DCLK3: variants seen among roughly 807,000 people sequenced by gnomAD.
DCLK3 encodes the protein serine/threonine-protein kinase DCLK3.
In DCLK3, 30 loss-of-function variants were observed where a neutral mutation model predicts 46.4. That is an observed-to-expected ratio of 0.65 (90% CI 0.48 to 0.88). DCLK3 has a LOEUF of 0.88. Ranked by LOEUF, DCLK3 falls within the 40% of genes least tolerant of loss-of-function variation. DCLK3 has a pLI of 0.00. For synonymous variants in DCLK3, 401 were observed against 339.2 expected (o/e 1.18, Z -2.00); for missense variants, 846 against 907.1 (o/e 0.93, Z 0.87).
chr3:36,714,250 T>G lies in DCLK3; in HGVS notation c.*1078A>C, dbSNP rs1051511142. The G allele has an allele frequency of 7.9e-5, 12 of 152,336 alleles. No individual in the cohort carries two copies. Among genetic ancestry groups the G allele is most frequent in the African/African-American group, 2.9e-4 (12 of 41,568 alleles). The allele number at this position is 152,336 out of a possible 1,614,324, so 9.4% of individuals were successfully genotyped here. On this transcript the variant is annotated 3_prime_UTR_variant, in exon 5 of 5. Coordinates refer to ENST00000636136, the MANE Select transcript of DCLK3 (RefSeq NM_001394672.2). Reference sequence around the variant, plus strand: ...TAACTAACACACGCCTCCGCCCAGATGGCTCCAAAACTGTTAGGGAAGGTA... The same window carrying G: ...TAACTAACACACGCCTCCGCCCAGAGGGCTCCAAAACTGTTAGGGAAGGTA...
intron 2 of DCLK3, among the ~76,000 whole-genome samples, chr3:36,731,515 A>G (rs1701198854): frequency 6.6e-6 from 1 of 151,916 alleles, no homozygotes; most frequent in African/African-American, 2.4e-5. Context: ...CACTGTCTAC[A>G]GTATTCCACC....
intron 1 of DCLK3, among the ~76,000 whole-genome samples, chr3:36,744,642 C>T (rs1053577137): frequency 6.6e-6 from 1 of 152,210 alleles, no homozygotes; most frequent in African/African-American, 2.4e-5. Context: ...GAGCACTCAA[C>T]TTGTGCTTAT....
Position 36,715,396 on chromosome 3 carries a change from G to T in DCLK3, c.2386C>A (p.Gln796Lys), listed in dbSNP as rs1381746373. ...TGACCCTCGCTGCTGGGGGACACCT[G>T]CTTCTGTCGTTTCACTGTATTGGTC... Reference protein sequence around the residue: ...GKTNTVKRQKQVSPSSEGHFR... With the variant: ...GKTNTVKRQKKVSPSSEGHFR... The change falls in exon 5 of 5, where the codon CAG (glutamine) becomes AAG (lysine). Residue 796 changes from glutamine to lysine, a missense_variant. Around this residue, in one of 3 missense-constraint regions of DCLK3, gnomAD observed 46 missense variants for 41.3 expected, o/e 1.11. Coordinates refer to ENST00000636136, the MANE Select transcript of DCLK3 (RefSeq NM_001394672.2). 2.5e-6 allele frequency: 4 copies of T among 1,614,148 alleles called. No homozygotes were observed. Among genetic ancestry groups the T allele is most frequent in the Non-Finnish European group, 3.4e-6 (4 of 1,180,000 alleles).
chr3:36,717,735 G>A (rs1190461054), intron 4 of DCLK3, among the ~76,000 whole-genome samples: 1 of 152,168 alleles, frequency 6.6e-6, no homozygotes, highest in African/African-American at 2.4e-5. Context: ...GAGTTACAAT[G>A]TTTCTGATAT....
At chr3:36,723,702 C>T (rs1397844125) in intron 2 of DCLK3, among the ~76,000 whole-genome samples, 1 of 152,162 alleles carries the variant, frequency 6.6e-6, no homozygotes, top group Non-Finnish European at 1.5e-5. Flanking sequence ...CCTGCCATTG[C>T]ACAGAAGTCA....
intron 1 of DCLK3, among the ~76,000 whole-genome samples, chr3:36,747,564 T>C (rs1379324270): frequency 6.6e-6 from 1 of 152,140 alleles, no homozygotes; most frequent in African/African-American, 2.4e-5. Flanking sequence ...ATCTCTGGGC[T>C]GATATGAGTC....
In DCLK3 at chr3:36,744,107, C is replaced by A. The variant is rs189065621; in HGVS notation, c.83-5023G>T. Among the ~76,000 whole-genome samples, 55 of 152,348 alleles carry A rather than the reference C, an allele frequency of 3.6e-4. No individual in the cohort carries two copies. In the East Asian group the frequency reaches 0.01, roughly 29 times the overall value. On this transcript the variant is annotated intron_variant, in intron 1 of 4. Coordinates refer to ENST00000636136, the MANE Select transcript of DCLK3 (RefSeq NM_001394672.2). ...GTAAACATTCTCCCTCTCAACTAAACTGTAAGCTCTCCAAAAGCAGAGACC... is the reference window on the plus strand; with the variant it reads ...GTAAACATTCTCCCTCTCAACTAAAATGTAAGCTCTCCAAAAGCAGAGACC...
chr3:36,727,723 C>A (rs147631390), intron 2 of DCLK3, among the ~76,000 whole-genome samples: 2 of 152,114 alleles, frequency 1.3e-5, no homozygotes, highest in African/African-American at 4.8e-5. Context: ...CCAGATGGCC[C>A]GATGTTTTTA....
chr3:36,726,792 T>A (rs1270141233), intron 2 of DCLK3, among the ~76,000 whole-genome samples: 1 of 152,194 alleles, frequency 6.6e-6, no homozygotes. Context: ...TCAGTCTGCA[T>A]ATAGAAACTG....
rs778437237 is a variant in DCLK3, at chr3:36,737,944, G to C, written c.1223C>G (p.Ala408Gly). ...PEDQESHAQGAAKAKKDLVEV... is the reference protein window; with the variant it reads ...PEDQESHAQGGAKAKKDLVEV... The stretch of plus-strand genomic sequence containing the variant: ...CACAAGGTCCTTCTTGGCCTTGGCT[G>C]CTCCCTGAGCATGGCTTTCTTGATC... Residue 408 changes from alanine (A) to glycine (G), a missense_variant, in exon 2 of 5, where the codon GCA becomes GGA. Physicochemically the swap from Ala to Gly is moderately conservative, Grantham distance 60. Transcript: ENST00000636136. This position sits in a 1 kb window ranked among gnomAD's most constrained non-coding sequence, Gnocchi z 4.4. 6 of 1,614,106 alleles carry C rather than the reference G, an allele frequency of 3.7e-6. No individual in the cohort carries two copies. The highest frequency in any genetic ancestry group is 4.2e-6 in the Non-Finnish European group (5 of 1,180,034).
chr3:36,715,187 G>C lies in DCLK3; in HGVS notation c.*141C>G, dbSNP rs1700959606. 3 of 908,290 alleles carry C rather than the reference G, an allele frequency of 3.3e-6. No homozygotes were observed. The highest frequency in any genetic ancestry group is 3.5e-5 in the African/African-American group (2 of 57,752). The allele number at this position is 908,290 out of a possible 1,614,324, so 56.3% of individuals were successfully genotyped here. A position where few individuals can be genotyped will look rare whatever the true frequency, so the allele number is the denominator to read the frequency against. On this transcript the variant is annotated 3_prime_UTR_variant, in exon 5 of 5. Transcript: ENST00000636136. ...AACATTGACTTAATTTTTTTAATAT[G>C]CTTTAAAATATACTCAGTGTCTCTC... is the stretch of plus-strand genomic sequence containing the variant.
Position 36,712,743 on chromosome 3 carries a change from G to T in DCLK3, c.*2585C>A, listed in dbSNP as rs560660039. On this transcript the variant is annotated 3_prime_UTR_variant, in exon 5 of 5. Transcript: ENST00000636136. The stretch of plus-strand genomic sequence containing the variant: ...TTCTTTCATTCAGCCTAATTCTTTG[G>T]CAGTCCATCCATGTTGTTCGTGTAT... 1.3e-5 allele frequency: 2 copies of T among 152,114 alleles called. No individual in the cohort carries two copies. Among genetic ancestry groups the T allele is most frequent in the African/African-American group, 4.8e-5 (2 of 41,490 alleles). 9.4% of individuals were successfully genotyped at this position (152,114 alleles called of 1,614,324 possible).
rs1700959535 is a variant in DCLK3, at chr3:36,715,185, A to G, written c.*143T>C. 2.3e-6 allele frequency: 2 copies of G among 871,844 alleles called. No homozygotes were observed. Among genetic ancestry groups the G allele is most frequent in the South Asian group, 2.6e-5 (1 of 37,788 alleles). The allele number at this position is 871,844 out of a possible 1,614,324, so 54.0% of individuals were successfully genotyped here. On this transcript the variant is annotated 3_prime_UTR_variant, in exon 5 of 5. Transcript: ENST00000636136. The stretch of plus-strand genomic sequence containing the variant: ...TTAACATTGACTTAATTTTTTTAAT[A>G]TGCTTTAAAATATACTCAGTGTCTC...
In DCLK3 at chr3:36,715,311, G is replaced by A. The variant is rs1434853926; in HGVS notation, c.*17C>T. On this transcript the variant is annotated 3_prime_UTR_variant, in exon 5 of 5. Transcript: ENST00000636136. The stretch of plus-strand genomic sequence containing the variant: ...CTTGAGCAGAACTGGGGGCTGGACA[G>A]ATTCCCAAGGTGGTGACTATGATAC... 3 of 1,613,746 alleles carry A rather than the reference G, an allele frequency of 1.9e-6. No individual in the cohort carries two copies. Among genetic ancestry groups the A allele is most frequent in the African/African-American group, 2.7e-5 (2 of 74,892 alleles).
chr3:36,724,954 TGAG>T (rs1203490519), intron 2 of DCLK3, among the ~76,000 whole-genome samples: 2 of 151,158 alleles, frequency 1.3e-5, no homozygotes, highest in Non-Finnish European at 2.9e-5. Flanking sequence ...CTCCAAGACT[TGAG>T]GCTGGATGGT....
chr3:36,736,123 G>A (rs754066716), intron 2 of DCLK3, among the ~76,000 whole-genome samples: 4 of 152,208 alleles, frequency 2.6e-5, no homozygotes, highest in African/African-American at 4.8e-5. Flanking sequence ...GGGAGAACAC[G>A]TACTGTTGGA....
At chr3:36,736,721 C>G (rs1487581364) in intron 2 of DCLK3, among the ~76,000 whole-genome samples, 1 of 152,164 alleles carries the variant, frequency 6.6e-6, no homozygotes, top group African/African-American at 2.4e-5. Context: ...GTTATCTGAC[C>G]ACAGAGCCAG....
At chr3:36,752,331 C>G (rs1311135944) in intron 1 of DCLK3, among the ~76,000 whole-genome samples, 4 of 152,192 alleles carry the variant, frequency 2.6e-5, no homozygotes, top group Admixed American at 2.6e-4. Flanking sequence ...CACTTCCTTG[C>G]TTGGCCGCAC....
intron 1 of DCLK3, among the ~76,000 whole-genome samples, chr3:36,754,639 T>C (rs1464771724): frequency 3.3e-5 from 5 of 152,196 alleles, no homozygotes; most frequent in African/African-American, 1.2e-4. Flanking sequence ...AGATTATATC[T>C]CAAAGAGAAA....
Sources: allele counts gnomAD v4.1 joint callset (sites outside exome capture counted in the v4.1 genomes callset), GRCh38; gene constraint gnomAD v4.1.1; regional missense constraint gnomAD v4.1.1; non-coding constraint Gnocchi (gnomAD v3.1); transcripts MANE v1.5; gene names NCBI Gene and HGNC (gene_info 2026-07-23, HGNC 2026-07-21).